Variants in PTPN21 observed in about 807,000 individuals in gnomAD.
The protein encoded by PTPN21 is tyrosine-protein phosphatase non-receptor type 21.
In PTPN21, 77 loss-of-function variants were observed where a neutral mutation model predicts 131.8. The observed-to-expected ratio is 0.58, with a 90% CI of 0.49 to 0.71. The LOEUF is 0.71. Ranked by LOEUF, PTPN21 falls within the 30% of genes least tolerant of loss-of-function variation. The pLI, the probability that PTPN21 is intolerant of heterozygous loss-of-function variation, is 0.00. For synonymous variants in PTPN21, 715 were observed against 621.3 expected (o/e 1.15, Z -2.24); for missense variants, 1,552 against 1,527.1 (o/e 1.02, Z -0.27).
rs1394167609 is a variant in PTPN21 at position 88,472,295 on chromosome 14, C to T, written c.2820G>A (p.Leu940=). 1 of 1,613,770 alleles carries T rather than the reference C, an allele frequency of 6.2e-7. No homozygotes were observed. Among genetic ancestry groups the T allele is most frequent in the South Asian group, 1.1e-5 (1 of 91,062 alleles). The change falls in exon 15 of 19, where the codon TTG becomes TTA. Residue 940 remains leucine, a synonymous_variant. Coordinates refer to ENST00000556564, the MANE Select transcript of PTPN21 (RefSeq NM_007039.4). ...CAGTGTTGTTTTCTTTAGTTGGGAC[C>T]AACTCCACTCTCACATCATCATAAG... is the stretch of plus-strand genomic sequence containing the variant. The part of the protein sequence containing the change: ...VLPYDDVRVE[L]VPTKENNTGY...
In PTPN21 at chr14:88,500,766, A is replaced by T; in HGVS notation, c.764+17T>A. The stretch of plus-strand genomic sequence containing the variant: ...CAGGAGCCATAGAAAACATACAAAA[A>T]GAGGTAAGAAAAATACCTAAATACC... On this transcript the variant is annotated intron_variant, in intron 8 of 18. Coordinates refer to ENST00000556564, the MANE Select transcript of PTPN21 (RefSeq NM_007039.4). 1 of 1,558,390 alleles carries T rather than the reference A, an allele frequency of 6.4e-7. No individual in the cohort carries two copies. The highest frequency in any genetic ancestry group is 8.9e-7 in the Non-Finnish European group (1 of 1,129,252).
At chr14:88,505,447 G>A (rs138477199) in intron 4 of PTPN21, 76 bp from the exon 5 acceptor site, 19 of 973,464 alleles carry the variant, frequency 2.0e-5, no homozygotes, top group African/African-American at 1.9e-4. Context: ...AATTCAATAC[G>A]CAGTATATCT....
At chr14:88,501,398 C>A in intron 6 of PTPN21, 30 bp from the exon 7 acceptor site, 1 of 1,564,924 alleles carries the variant, frequency 6.4e-7, no homozygotes. Flanking sequence ...AGATTGTTCA[C>A]AAAGCAAGCT....
At chr14:88,538,400 C>T (rs529933144) in intron 2 of PTPN21, among the ~76,000 whole-genome samples, 2 of 152,304 alleles carry the variant, frequency 1.3e-5, no homozygotes, top group East Asian at 3.9e-4. Flanking sequence ...TCTGATACTT[C>T]CAACTCTGCC....
chr14:88,474,506 T>C (rs938158562), intron 13 of PTPN21, among the ~76,000 whole-genome samples: 6 of 152,166 alleles, frequency 3.9e-5, no homozygotes, highest in Admixed American at 2.6e-4. Context: ...TTTTAAAATA[T>C]ATAAATTCTT....
rs2077429756 is a variant in PTPN21, at chr14:88,469,796, A to G, written c.3001-63T>C. 1 of 1,599,622 alleles carries G rather than the reference A, an allele frequency of 6.3e-7. No individual in the cohort carries two copies. The highest frequency in any genetic ancestry group is 1.3e-5 in the African/African-American group (1 of 74,558). On this transcript the variant is annotated intron_variant, in intron 16 of 18. Coordinates refer to ENST00000556564, the MANE Select transcript of PTPN21 (RefSeq NM_007039.4). This position sits in a 1 kb window ranked among gnomAD's most constrained non-coding sequence, Gnocchi z 4.3. ...GGCAATGGATGCCTTTCTCACATAG[A>G]CGGCACATCTGAAACAGAACCACAA...
intron 10 of PTPN21, among the ~76,000 whole-genome samples, chr14:88,489,154 G>A (rs1384949985): frequency 6.6e-6 from 1 of 152,144 alleles, no homozygotes; most frequent in African/African-American, 2.4e-5. Context: ...GCAAGATGTG[G>A]TATCCCTGGT....
chr14:88,470,080 T>C (rs1377733228), intron 15 of PTPN21, 30 bp from the exon 16 acceptor site: 1 of 1,604,290 alleles, frequency 6.2e-7, no homozygotes, highest in Admixed American at 1.7e-5. Context: ...AAAAAATTGA[T>C]GTGTGGGTAT....
chr14:88,503,700 A>ATGTT (rs1406433553), intron 6 of PTPN21, among the ~76,000 whole-genome samples: 3 of 152,020 alleles, frequency 2.0e-5, no homozygotes, highest in Non-Finnish European at 4.4e-5. Flanking sequence ...GTAAGCTATG[A>ATGTT]TGTTCAGCAG....
chr14:88,474,478 C>T (rs1019931368), intron 13 of PTPN21, among the ~76,000 whole-genome samples: 2 of 152,050 alleles, frequency 1.3e-5, no homozygotes, highest in Non-Finnish European at 1.5e-5. Flanking sequence ...CCACCATGCC[C>T]GGACAGCTTT....
intron 2 of PTPN21, among the ~76,000 whole-genome samples, chr14:88,539,662 C>A (rs2078678486): frequency 6.6e-6 from 1 of 152,112 alleles, no homozygotes; most frequent in South Asian, 2.1e-4. Context: ...GAGAAAAGTG[C>A]TAAAACAAGA....
chr14:88,544,608 G>T (rs922940722), intron 2 of PTPN21, among the ~76,000 whole-genome samples: 1 of 152,130 alleles, frequency 6.6e-6, no homozygotes, highest in Non-Finnish European at 1.5e-5. Context: ...GAAATTAAGT[G>T]ATTTAATAAT....
chr14:88,517,035 C>T (rs767076067), intron 3 of PTPN21, 57 bp downstream of exon 3: 17 of 1,569,564 alleles, frequency 1.1e-5, no homozygotes, highest in Non-Finnish European at 1.5e-5. Flanking sequence ...ACCTTAGTTT[C>T]ACTTTTTACA....
chr14:88,529,327 C>A (rs757973185), intron 2 of PTPN21, among the ~76,000 whole-genome samples: 1 of 152,074 alleles, frequency 6.6e-6, no homozygotes, highest in African/African-American at 2.4e-5. Flanking sequence ...CCTACTTGAT[C>A]ATGGTGTATT....
intron 2 of PTPN21, among the ~76,000 whole-genome samples, chr14:88,542,104 G>C (rs1193155875): frequency 1.3e-5 from 2 of 152,106 alleles, no homozygotes; most frequent in African/African-American, 2.4e-5. Context: ...CTCAAATCCT[G>C]GGTCTTTTGC....
At chr14:88,482,488 G>C (rs1202706315) in intron 12 of PTPN21, among the ~76,000 whole-genome samples, 1 of 152,136 alleles carries the variant, frequency 6.6e-6, no homozygotes, top group African/African-American at 2.4e-5. Context: ...GCTGGGCGTG[G>C]TGGCGCATGC....
At chr14:88,483,439 T>C (rs539153882) in intron 12 of PTPN21, among the ~76,000 whole-genome samples, 63 of 152,022 alleles carry the variant, frequency 4.1e-4, no homozygotes, top group African/African-American at 1.5e-3. Context: ...TACAAGAACA[T>C]GGTGAGGGGG....
At chr14:88,541,473 C>T (rs1387163577) in intron 2 of PTPN21, among the ~76,000 whole-genome samples, 1 of 152,208 alleles carries the variant, frequency 6.6e-6, no homozygotes, top group Non-Finnish European at 1.5e-5. Context: ...GAGGGCTCAA[C>T]AATTGGCCTG....
chr14:88,482,787 G>C (rs551565656), intron 12 of PTPN21, among the ~76,000 whole-genome samples: 2 of 151,936 alleles, frequency 1.3e-5, no homozygotes, highest in South Asian at 4.2e-4. Flanking sequence ...AGGTACAAAG[G>C]CTTGAATGTG....
Sources: gnomAD v4.1 joint callset for allele counts (sites outside exome capture counted in the v4.1 genomes callset) on GRCh38, gnomAD v4.1.1 for gene constraint, Gnocchi (gnomAD v3.1) non-coding constraint, MANE v1.5 for transcripts, NCBI Gene and HGNC (gene_info 2026-07-23, HGNC 2026-07-21) for gene names.